The following ZNRF1 variants were observed in gnomAD, a reference collection of about 807,000 sequenced individuals.
The protein encoded by ZNRF1 is E3 ubiquitin-protein ligase ZNRF1.
Under a neutral mutation model 18.4 loss-of-function variants are expected in ZNRF1, and 3 were observed. The ratio of observed to expected loss-of-function variants is 0.16; its 90% CI spans 0.07 to 0.42. The LOEUF is 0.42. ZNRF1 is among the 10% of genes least tolerant of loss of function. The pLI is 0.99. For synonymous variants in ZNRF1, 157 were observed against 144.2 expected (o/e 1.09, Z -0.64); for missense variants, 310 against 329.8 (o/e 0.94, Z 0.47).
chr16:75,024,439 A>C (rs1351456799), intron 1 of ZNRF1, among the ~76,000 whole-genome samples: 1 of 152,232 alleles, frequency 6.6e-6, no homozygotes, highest in Non-Finnish European at 1.5e-5. Flanking sequence ...GTAAATATAC[A>C]CATGAAGAAG....
intron 1 of ZNRF1, among the ~76,000 whole-genome samples, chr16:75,066,593 T>G (rs1297928363): frequency 1.3e-5 from 2 of 152,128 alleles, no homozygotes; most frequent in African/African-American, 4.8e-5. Flanking sequence ...ACCTCCACTT[T>G]CCGGGTTCAA....
At chr16:75,100,988 C>T (rs970705164) in intron 2 of ZNRF1, among the ~76,000 whole-genome samples, 1 of 152,202 alleles carries the variant, frequency 6.6e-6, no homozygotes, top group Admixed American at 6.5e-5. Context: ...GGCTGGAGTA[C>T]AGTGGCACAA....
At chr16:75,015,619 T>C (rs2035055559) in intron 1 of ZNRF1, among the ~76,000 whole-genome samples, 1 of 152,192 alleles carries the variant, frequency 6.6e-6, no homozygotes, top group Non-Finnish European at 1.5e-5. Context: ...GATCTCACTC[T>C]GTTGCCCAGG....
At chr16:75,053,087 A>T (rs2035625579) in intron 1 of ZNRF1, among the ~76,000 whole-genome samples, 1 of 152,180 alleles carries the variant, frequency 6.6e-6, no homozygotes, top group Admixed American at 6.5e-5. Flanking sequence ...AGGTAGGCTG[A>T]TTGCCTTCCT....
intron 1 of ZNRF1, among the ~76,000 whole-genome samples, chr16:75,090,426 C>T (rs925567129): frequency 6.6e-6 from 1 of 152,060 alleles, no homozygotes; most frequent in African/African-American, 2.4e-5. Flanking sequence ...CTGTGTTGCC[C>T]GGGCAGGTCT....
chr16:75,032,777 C>G (rs979282689), intron 1 of ZNRF1, among the ~76,000 whole-genome samples: 2 of 152,058 alleles, frequency 1.3e-5, no homozygotes, highest in African/African-American at 2.4e-5. Flanking sequence ...AATACCAGCA[C>G]TTTGGGAGGC....
At chr16:75,029,456 C>T (rs2035271276) in intron 1 of ZNRF1, among the ~76,000 whole-genome samples, 1 of 152,010 alleles carries the variant, frequency 6.6e-6, no homozygotes, top group African/African-American at 2.4e-5. Context: ...CTGACCTTTT[C>T]TTAAAAAACA....
intron 1 of ZNRF1, among the ~76,000 whole-genome samples, chr16:75,064,645 G>A (rs1338774051): frequency 1.3e-5 from 2 of 152,072 alleles, no homozygotes; most frequent in African/African-American, 4.8e-5. Context: ...AACCTGCCTG[G>A]CACGTAGGAG....
intron 1 of ZNRF1, among the ~76,000 whole-genome samples, chr16:75,024,554 G>T (rs1192670053): frequency 2.0e-5 from 3 of 152,184 alleles, no homozygotes; most frequent in African/African-American, 7.2e-5. Context: ...GCTTGGGATT[G>T]ACTTTCTGCA....
intron 1 of ZNRF1, among the ~76,000 whole-genome samples, chr16:75,016,835 G>C (rs1203743615): frequency 2.1e-5 from 1 of 46,756 alleles, no homozygotes. Context: ...GTGAGCCACC[G>C]CGGCCGGCCT....
At chr16:75,059,229 C>CTTTTTTTTTTTTTTT (rs35291578) in intron 1 of ZNRF1, among the ~76,000 whole-genome samples, 16 of 92,880 alleles carry the variant, frequency 1.7e-4, no homozygotes, top group South Asian at 4.6e-4. Flanking sequence ...TTCTTTCTTT[C>CTTTTTTTTTTTTTTT]TTTTTTTTTT....
intron 1 of ZNRF1, among the ~76,000 whole-genome samples, chr16:75,035,771 A>AG (rs907842589): frequency 1.3e-5 from 2 of 152,096 alleles, no homozygotes; most frequent in Admixed American, 6.6e-5. Flanking sequence ...AACACTTGGG[A>AG]GGGGCCCCAT....
Position 75,108,404 on chromosome 16 carries a change from C to T in ZNRF1, c.*704C>T, listed in dbSNP as rs2036341914. On this transcript the variant is annotated 3_prime_UTR_variant, in exon 5 of 5. Coordinates refer to ENST00000335325, the MANE Select transcript of ZNRF1 (RefSeq NM_032268.5). ...AGAGGATTTAACAATCACAAGTGTCCTGCAAAAATGCCTGAACATTATTCT... is the reference window on the plus strand; with the variant it reads ...AGAGGATTTAACAATCACAAGTGTCTTGCAAAAATGCCTGAACATTATTCT... 1 of 392,648 alleles carries T rather than the reference C, an allele frequency of 2.5e-6. No homozygotes were observed. Among genetic ancestry groups the T allele is most frequent in the Admixed American group, 4.4e-5 (1 of 22,560 alleles). The allele number at this position is 392,648 out of a possible 1,614,324, so 24.3% of individuals were successfully genotyped here. A position where few individuals can be genotyped will look rare whatever the true frequency, so the allele number is the denominator to read the frequency against.
chr16:75,058,721 G>T (rs1001797708), intron 1 of ZNRF1, among the ~76,000 whole-genome samples: 1 of 152,190 alleles, frequency 6.6e-6, no homozygotes, highest in African/African-American at 2.4e-5. Flanking sequence ...TAGGTGGAGG[G>T]TAGATGGCAG....
At chr16:75,054,275 A>T (rs923511367) in intron 1 of ZNRF1, among the ~76,000 whole-genome samples, 4 of 152,206 alleles carry the variant, frequency 2.6e-5, no homozygotes, top group Non-Finnish European at 5.9e-5. Context: ...TGCTTTGGAG[A>T]AGGAAAATAA....
At chr16:75,007,956 C>A (rs555920881) in intron 1 of ZNRF1, among the ~76,000 whole-genome samples, 1 of 152,192 alleles carries the variant, frequency 6.6e-6, no homozygotes, top group African/African-American at 2.4e-5. Context: ...CCTGGAACTC[C>A]TGGTCTCAAG....
chr16:75,005,962 A>G (rs534469343), intron 1 of ZNRF1, among the ~76,000 whole-genome samples: 7 of 152,162 alleles, frequency 4.6e-5, no homozygotes, highest in Non-Finnish European at 1.0e-4. Flanking sequence ...TGTTGCTCCT[A>G]GTGCTCCTAG....
At chr16:75,093,420 G>T in intron 1 of ZNRF1, 152 bp from the exon 2 acceptor site, 4 of 490,272 alleles carry the variant, frequency 8.2e-6, no homozygotes, top group Non-Finnish European at 1.1e-5. Flanking sequence ...GCTCAAATGA[G>T]TCCTTGAAGG....
chr16:75,033,449 T>C (rs1428676916), intron 1 of ZNRF1, among the ~76,000 whole-genome samples: 1 of 149,092 alleles, frequency 6.7e-6, no homozygotes, highest in Non-Finnish European at 1.5e-5. Context: ...TTTTTTTTTT[T>C]TTTTTTTTGA....
Sources: gnomAD v4.1 joint callset for allele counts (sites outside exome capture counted in the v4.1 genomes callset) on GRCh38, gnomAD v4.1.1 for gene constraint, MANE v1.5 for transcripts, NCBI Gene and HGNC (gene_info 2026-07-23, HGNC 2026-07-21) for gene names.